TMEM132C: variants seen among roughly 807,000 people sequenced by gnomAD.
TMEM132C encodes protein phosphatase 1, regulatory subunit 152.
Under a neutral mutation model 61.4 loss-of-function variants are expected in TMEM132C, and 29 were observed. That is an observed-to-expected ratio of 0.47 (90% CI 0.35 to 0.64). The LOEUF (loss-of-function observed/expected upper bound fraction) is 0.64, where lower values mean the gene tolerates loss of function less well. Among genes scored for constraint, TMEM132C ranks in the 30% least tolerant of loss-of-function variants. TMEM132C has a pLI of 0.00. For missense variants in TMEM132C, 1,408 were observed against 1,476.9 expected (o/e 0.95, Z 0.76); for synonymous variants, 656 against 633.1 (o/e 1.04, Z -0.54).
chr12:128,274,196 G>A (rs547047662), intron 1 of TMEM132C, among the ~76,000 whole-genome samples: 6 of 152,252 alleles, frequency 3.9e-5, no homozygotes, highest in South Asian at 2.1e-4. Context: ...CAATGTGTAC[G>A]CATTTTTTCT....
chr12:128,383,092 C>G (rs1370051664), intron 1 of TMEM132C, among the ~76,000 whole-genome samples: 1 of 149,590 alleles, frequency 6.7e-6, no homozygotes, highest in Non-Finnish European at 1.5e-5. Context: ...GCATGTGCAT[C>G]TGTGTGTACA....
intron 2 of TMEM132C, among the ~76,000 whole-genome samples, chr12:128,481,276 T>C (rs1871308192): frequency 6.6e-6 from 1 of 152,198 alleles, no homozygotes; most frequent in African/African-American, 2.4e-5. Context: ...TTTAATCCTT[T>C]CAACAACCTT....
rs767066742 is a variant in TMEM132C at position 128,622,360 on chromosome 12, AATATATATATATATATAT to A, written c.1305+6049_1305+6066del. Among the ~76,000 whole-genome samples the A allele has an allele frequency of 1.2e-3, 35 of 30,128 alleles. 2 individuals are homozygous for A. The highest frequency in any genetic ancestry group is 4.3e-3 in the East Asian group (4 of 928). The allele number at this position is 30,128 out of a possible 152,430, so 19.8% of individuals were successfully genotyped here. On this transcript the variant is annotated intron_variant, in intron 4 of 8. Transcript: ENST00000435159. ...CTTTGTCTCAAAAAAAAAAAAAAAA[AATATATATATATATATAT>A]ATATATATATATATATATATATAAC...
At chr12:128,620,555 A>C (rs1332316906) in intron 4 of TMEM132C, among the ~76,000 whole-genome samples, 2 of 152,184 alleles carry the variant, frequency 1.3e-5, no homozygotes. Context: ...AAAACAAAAA[A>C]CAAAGAAACT....
chr12:128,382,005 C>T (rs1286304716), intron 1 of TMEM132C, among the ~76,000 whole-genome samples: 2 of 152,110 alleles, frequency 1.3e-5, no homozygotes, highest in Middle Eastern at 3.4e-3. Flanking sequence ...CAACACTCCT[C>T]CCCCAGGGAT....
intron 3 of TMEM132C, among the ~76,000 whole-genome samples, chr12:128,598,652 G>C (rs1356899733): frequency 6.6e-6 from 1 of 151,870 alleles, no homozygotes; most frequent in Non-Finnish European, 1.5e-5. Flanking sequence ...ACCCCTGCCT[G>C]TTCCTCCTGG....
chr12:128,363,706 G>A (rs769785456), intron 1 of TMEM132C, among the ~76,000 whole-genome samples: 4 of 152,054 alleles, frequency 2.6e-5, no homozygotes, highest in Non-Finnish European at 4.4e-5. Flanking sequence ...TTAGCTGGGC[G>A]TGGTGGCACA....
chr12:128,268,644 T>G (rs7302279), intron 1 of TMEM132C, among the ~76,000 whole-genome samples: 1 of 151,962 alleles, frequency 6.6e-6, no homozygotes, highest in Non-Finnish European at 1.5e-5. Flanking sequence ...AAAGCCACCC[T>G]TCTCCCGCCT....
In TMEM132C at chr12:128,340,241, A is replaced by G. The variant is rs528951680; in HGVS notation, c.85+72754A>G. The stretch of plus-strand genomic sequence containing the variant: ...GAAAATGAGTAGTGTTCACATTGAA[A>G]ATGTTTTTTTCCCCTGTCTAACATT... On this transcript the variant is annotated intron_variant, in intron 1 of 8. Transcript: ENST00000435159. Among the ~76,000 whole-genome samples the G allele has an allele frequency of 3.9e-5, 6 of 152,198 alleles. No individual in the cohort carries two copies. In the East Asian group the frequency reaches 1.2e-3, roughly 29 times the overall value.
At chr12:128,526,495 C>T (rs921116246) in intron 2 of TMEM132C, among the ~76,000 whole-genome samples, 3 of 152,206 alleles carry the variant, frequency 2.0e-5, no homozygotes, top group Non-Finnish European at 4.4e-5. Flanking sequence ...CTAAAGCCAA[C>T]ACCTTGGGAG....
chr12:128,693,988 C>A lies in TMEM132C; in HGVS notation c.1609C>A (p.Leu537Ile), dbSNP rs191481498. The A allele has an allele frequency of 1.5e-3, 2,347 of 1,551,740 alleles. 2 individuals are homozygous for A. The highest frequency in any genetic ancestry group is 1.9e-3 in the Non-Finnish European group (2,177 of 1,147,006). ...PLQIEVSDTE[L>I]SQIKGWRVPI... ...GCAGATCGAGGTCTCTGACACGGAG[C>A]TCAGCCAGATAAAGGGCTGGAGGGT... is the stretch of plus-strand genomic sequence containing the variant. The change falls in exon 6 of 9, where the codon CTC (leucine) becomes ATC (isoleucine). Residue 537 changes from leucine to isoleucine, a missense_variant. By Grantham distance (5) the Leu-to-Ile change is conservative. Coordinates refer to ENST00000435159, the MANE Select transcript of TMEM132C (RefSeq NM_001136103.3).
intron 2 of TMEM132C, among the ~76,000 whole-genome samples, chr12:128,477,833 C>T (rs530646551): frequency 1.0e-3 from 154 of 152,296 alleles, no homozygotes; most frequent in Non-Finnish European, 1.5e-3. Context: ...CTGCCCACCT[C>T]GGCCTCCCAG....
rs1341152106 is a variant in TMEM132C at position 128,707,099 on chromosome 12, T to A, written c.*804T>A. 1 of 152,122 alleles carries A rather than the reference T, an allele frequency of 6.6e-6. No homozygotes were observed. Among genetic ancestry groups the A allele is most frequent in the Non-Finnish European group, 1.5e-5 (1 of 68,002 alleles). The allele number at this position is 152,122 out of a possible 1,614,324, so 9.4% of individuals were successfully genotyped here. A position where few individuals can be genotyped will look rare whatever the true frequency, so the allele number is the denominator to read the frequency against. ...TTGATAGTGGCGGGTTTTGTACAATTGGAGGGAGCCCTCAGAGCCTTCTGG... is the reference window on the plus strand; with the variant it reads ...TTGATAGTGGCGGGTTTTGTACAATAGGAGGGAGCCCTCAGAGCCTTCTGG... On this transcript the variant is annotated 3_prime_UTR_variant, in exon 9 of 9. Coordinates refer to ENST00000435159, the MANE Select transcript of TMEM132C (RefSeq NM_001136103.3).
At chr12:128,501,150 T>C (rs1872163521) in intron 2 of TMEM132C, among the ~76,000 whole-genome samples, 1 of 152,146 alleles carries the variant, frequency 6.6e-6, no homozygotes. Flanking sequence ...CTCTCCCCCA[T>C]ATCTGTGGTA....
intron 4 of TMEM132C, among the ~76,000 whole-genome samples, chr12:128,647,283 G>A (rs1201817526): frequency 1.3e-5 from 2 of 151,232 alleles, no homozygotes; most frequent in Non-Finnish European, 2.9e-5. Context: ...ATGTGAGTGT[G>A]TTTACTGGAG....
chr12:128,549,931 C>G (rs182547935), intron 3 of TMEM132C, among the ~76,000 whole-genome samples: 1 of 152,286 alleles, frequency 6.6e-6, no homozygotes, highest in East Asian at 1.9e-4. Context: ...CCTGGGAGGT[C>G]TGCCTCGGAG....
chr12:128,582,414 C>CTTTTT (rs36054458), intron 3 of TMEM132C, among the ~76,000 whole-genome samples: 1 of 132,536 alleles, frequency 7.5e-6, no homozygotes, highest in Non-Finnish European at 1.6e-5. Context: ...ATAGATGCTG[C>CTTTTT]TTTTTTTTTT....
At chr12:128,607,604 A>G (rs970925945) in intron 3 of TMEM132C, among the ~76,000 whole-genome samples, 4 of 152,176 alleles carry the variant, frequency 2.6e-5, no homozygotes, top group African/African-American at 9.7e-5. Flanking sequence ...ATATGTTTTC[A>G]AGATAATCCT....
chr12:128,444,187 T>G (rs1477496002), intron 2 of TMEM132C, among the ~76,000 whole-genome samples: 2 of 152,178 alleles, frequency 1.3e-5, no homozygotes, highest in African/African-American at 4.8e-5. Context: ...CCCAAAGTGC[T>G]GGGATTGCAG....
Sources: gnomAD v4.1 joint callset for allele counts (sites outside exome capture counted in the v4.1 genomes callset) on GRCh38, gnomAD v4.1.1 for gene constraint, MANE v1.5 for transcripts, NCBI Gene and HGNC (gene_info 2026-07-23, HGNC 2026-07-21) for gene names.